The following DYSF variants were observed in gnomAD, a reference collection of about 807,000 sequenced individuals.
DYSF encodes the protein dystrophy-associated fer-1-like 1.
In DYSF, 212 loss-of-function variants were observed where a neutral mutation model predicts 274.9. That is an observed-to-expected ratio of 0.77 (90% CI 0.69 to 0.86). DYSF has a LOEUF of 0.86. Ranked by LOEUF, DYSF falls within the 40% of genes least tolerant of loss-of-function variation. The pLI is 0.00. For synonymous variants in DYSF, 1,091 were observed against 1,078.7 expected (o/e 1.01, Z -0.22); for missense variants, 2,666 against 2,783.2 (o/e 0.96, Z 0.95).
At position 71,592,091 on chromosome 2, in the gene DYSF, C is replaced by T. The variant is rs147398100; in HGVS notation, c.3574+1803C>T. 2.8e-3 allele frequency among the ~76,000 whole-genome samples: 431 copies of T among 152,344 alleles called. 1 individual carries two copies. The highest frequency in any genetic ancestry group is 9.2e-3 in the African/African-American group (384 of 41,574). ...TATAGCCTTGCTTCCTCTCCCTTCC[C>T]GGAAGGGCGTGAGAGGTGAGGGTGC... On this transcript the variant is annotated intron_variant, in intron 32 of 55. Transcript: ENST00000410020.
chr2:71,660,667 T>A lies in DYSF; in HGVS notation c.5003+16T>A, dbSNP rs756573717. On this transcript the variant is annotated intron_variant, in intron 45 of 55. Transcript: ENST00000410020. ...TATTTGGAAAGTAAATTGGGGCATC[T>A]TGGGTCTTGGGGTGGAGGAGCCAGA... is the stretch of plus-strand genomic sequence containing the variant. The A allele has an allele frequency of 1.9e-6, 3 of 1,609,542 alleles. No homozygotes were observed. The highest frequency in any genetic ancestry group is 4.5e-5 in the East Asian group (2 of 44,854).
At chr2:71,656,056 C>T (rs1430903100) in intron 42 of DYSF, 106 bp from the exon 43 acceptor site, 4 of 1,389,492 alleles carry the variant, frequency 2.9e-6, no homozygotes, top group Admixed American at 3.4e-5. Context: ...TCTTTATTCA[C>T]TCTCACACTG....
Position 71,516,241 on chromosome 2 carries a change from CG to C in DYSF, c.951+1del, listed in dbSNP as rs786200898. 40 of 1,613,924 alleles carry C rather than the reference CG, an allele frequency of 2.5e-5. No individual in the cohort carries two copies. Among genetic ancestry groups the C allele is most frequent in the Admixed American group, 1.8e-4 (11 of 60,008 alleles). On this transcript the variant is annotated frameshift_variant and splice_region_variant, in exon 9 of 56. Transcript: ENST00000410020. LOFTEE classifies it high-confidence loss of function. Reference sequence around the variant, plus strand: ...CTGTTTGATGAGCCCATCTTTATCACGGTATGTCTCAGCAGTCAAAGTGTTC... The same window carrying C: ...CTGTTTGATGAGCCCATCTTTATCACGTATGTCTCAGCAGTCAAAGTGTTC... ...GELFDEPIFI[T>X]VVDSRSLRTD...
intron 9 of DYSF, 38 bp downstream of exon 9, chr2:71,516,280 A>G: frequency 6.3e-7 from 1 of 1,592,050 alleles, no homozygotes; most frequent in South Asian, 1.1e-5. Flanking sequence ...CGTGGGCTGT[A>G]TGTATGCACA....
chr2:71,459,147 A>G (rs753904314), intron 1 of DYSF, among the ~76,000 whole-genome samples: 2 of 152,208 alleles, frequency 1.3e-5, no homozygotes, highest in Non-Finnish European at 2.9e-5. Context: ...GCCTTTGGAC[A>G]TTGACAAATA....
intron 3 of DYSF, among the ~76,000 whole-genome samples, chr2:71,489,931 C>T (rs934982698): frequency 4.6e-5 from 7 of 152,142 alleles, no homozygotes; most frequent in African/African-American, 1.7e-4. Context: ...CCCTATGTTG[C>T]CAGGTTGCTG....
chr2:71,681,558 T>C (rs371774406), intron 54 of DYSF, among the ~76,000 whole-genome samples: 1 of 152,332 alleles, frequency 6.6e-6, no homozygotes, highest in Admixed American at 6.5e-5. Context: ...CAAGCTGCCT[T>C]CGGTGGCTCT....
chr2:71,492,730 C>T (rs1344435356), intron 3 of DYSF, among the ~76,000 whole-genome samples: 1 of 135,164 alleles, frequency 7.4e-6, no homozygotes, highest in East Asian at 2.7e-4. Context: ...CTCGTCTCTC[C>T]CTTCTTGTTT....
At chr2:71,525,506 G>A (rs1171181731) in intron 12 of DYSF, among the ~76,000 whole-genome samples, 2 of 152,118 alleles carry the variant, frequency 1.3e-5, no homozygotes, top group East Asian at 1.9e-4. Flanking sequence ...TTACAGGTGC[G>A]AGCCACGGCG....
chr2:71,582,658 C>T (rs1482015435), intron 30 of DYSF, among the ~76,000 whole-genome samples: 1 of 152,026 alleles, frequency 6.6e-6, no homozygotes, highest in Non-Finnish European at 1.5e-5. Context: ...ACCAGGTCTC[C>T]AGAACAAAAC....
At chr2:71,491,944 C>G (rs1044667502) in intron 3 of DYSF, among the ~76,000 whole-genome samples, 1 of 152,170 alleles carries the variant, frequency 6.6e-6, no homozygotes, top group African/African-American at 2.4e-5. Context: ...AAGGCATAGG[C>G]TTGGCCTCTG....
chr2:71,461,460 G>A (rs1324480556), intron 1 of DYSF, among the ~76,000 whole-genome samples: 5 of 152,230 alleles, frequency 3.3e-5, no homozygotes, highest in Non-Finnish European at 5.9e-5. Context: ...AAACTGACGA[G>A]GCACCGGAGC....
At chr2:71,603,264 TG>T (rs1194450717) in intron 36 of DYSF, among the ~76,000 whole-genome samples, 2 of 152,124 alleles carry the variant, frequency 1.3e-5, no homozygotes, top group African/African-American at 4.8e-5. Flanking sequence ...CTGGCTGGTT[TG>T]GGGGATGGGG....
chr2:71,661,471 C>T (rs941540472), intron 45 of DYSF, among the ~76,000 whole-genome samples: 5 of 152,142 alleles, frequency 3.3e-5, no homozygotes, highest in South Asian at 2.1e-4. Context: ...ATCTGTTATA[C>T]GACATTGCAT....
At chr2:71,659,867 C>T (rs1368097646) in intron 44 of DYSF, among the ~76,000 whole-genome samples, 3 of 152,200 alleles carry the variant, frequency 2.0e-5, no homozygotes, top group African/African-American at 7.2e-5. Context: ...AGGCATGAGG[C>T]TAGGGTCCCC....
intron 1 of DYSF, among the ~76,000 whole-genome samples, chr2:71,475,401 C>T (rs71416710): frequency 0.046 from 6,987 of 152,238 alleles, 200 homozygotes; most frequent in African/African-American, 0.076. Context: ...TGGTGTTTGC[C>T]GCCAGAAACT....
At chr2:71,603,299 G>A (rs1400041478) in intron 36 of DYSF, among the ~76,000 whole-genome samples, 1 of 152,184 alleles carries the variant, frequency 6.6e-6, no homozygotes, top group Non-Finnish European at 1.5e-5. Flanking sequence ...TCCTAGGGAC[G>A]GGAAGAAGTT....
intron 52 of DYSF, among the ~76,000 whole-genome samples, chr2:71,677,403 A>G (rs554359122): frequency 2.0e-5 from 3 of 152,326 alleles, no homozygotes; most frequent in South Asian, 4.1e-4. Context: ...CTATGCTCCA[A>G]TCCCATTGAC....
At chr2:71,525,476 G>A (rs1190556868) in intron 12 of DYSF, among the ~76,000 whole-genome samples, 13 of 152,054 alleles carry the variant, frequency 8.5e-5, no homozygotes, top group African/African-American at 1.9e-4. Context: ...CGCCTGCCTC[G>A]GCCTCCCAGA....
Sources: gnomAD v4.1 joint callset for allele counts (sites outside exome capture counted in the v4.1 genomes callset) on GRCh38, gnomAD v4.1.1 for gene constraint, MANE v1.5 for transcripts, NCBI Gene and HGNC (gene_info 2026-07-23, HGNC 2026-07-21) for gene names.